The following ANAPC10 variants were observed in gnomAD, a reference collection of about 807,000 sequenced individuals.
ANAPC10 encodes the protein anaphase promoting complex subunit 10, also known as anaphase-promoting complex subunit 10.
ANAPC10 carries 12 observed loss-of-function variants against 22.0 expected under a neutral mutation model. The observed-to-expected ratio is 0.55, with a 90% confidence interval of 0.35 to 0.88. The LOEUF is 0.88. Ranked by LOEUF, ANAPC10 falls within the 40% of genes least tolerant of loss-of-function variation. The pLI is 0.01. For synonymous variants in ANAPC10, 65 were observed against 69.5 expected, an observed-to-expected ratio of 0.94 and a Z score of 0.32; for missense variants, 188 against 220.9, an observed-to-expected ratio of 0.85 and a Z score of 0.94.
At chr4:145,014,002 G>A (rs528690384) in intron 4 of ANAPC10, among the ~76,000 whole-genome samples, 9 of 152,182 alleles carry the variant, frequency 5.9e-5, no homozygotes, top group East Asian at 1.9e-4. Context: ...GGCGGCCAGC[G>A]GTGCGGAGAA....
intron 4 of ANAPC10, among the ~76,000 whole-genome samples, chr4:145,018,044 C>A (rs1216356439): frequency 6.6e-6 from 1 of 151,218 alleles, no homozygotes; most frequent in Non-Finnish European, 1.5e-5. Context: ...GTGCAGCACA[C>A]CAACATGGCA....
chr4:145,030,983 C>T (rs1266697705), intron 4 of ANAPC10, among the ~76,000 whole-genome samples: 1 of 152,152 alleles, frequency 6.6e-6, no homozygotes. Flanking sequence ...AGCTGCTGTA[C>T]CAGATGTGGT....
chr4:145,094,921 C>A lies in ANAPC10; in HGVS notation c.115+1064G>T, dbSNP rs184162764. Among the ~76,000 whole-genome samples the A allele has an allele frequency of 2.7e-3, 404 of 151,952 alleles. 2 individuals are homozygous for A. The highest frequency in any genetic ancestry group is 5.0e-3 in the Non-Finnish European group (343 of 67,968). On this transcript the variant is annotated intron_variant, in intron 2 of 4. Transcript: ENST00000507656. Reference sequence around the variant, plus strand: ...CTGCCACCCAAGAATTCTATCCCAACAAAGAGTAAAAGGAAAGTATTTTGG... The same window carrying A: ...CTGCCACCCAAGAATTCTATCCCAAAAAAGAGTAAAAGGAAAGTATTTTGG...
chr4:145,083,156 A>C (rs919457780), intron 2 of ANAPC10, among the ~76,000 whole-genome samples: 1 of 152,086 alleles, frequency 6.6e-6, no homozygotes, highest in Non-Finnish European at 1.5e-5. Context: ...ATTAACAACA[A>C]TAATAACAAT....
At chr4:145,002,948 G>A (rs1374598168) in intron 4 of ANAPC10, among the ~76,000 whole-genome samples, 1 of 152,086 alleles carries the variant, frequency 6.6e-6, no homozygotes, top group Non-Finnish European at 1.5e-5. Flanking sequence ...TTGGTATAAA[G>A]ATTATTTAGT....
In ANAPC10 at chr4:145,096,082, CTT is replaced by C. The variant is rs1192210329; in HGVS notation, c.16_17del (p.Lys6AspfsTer6). On this transcript the variant is annotated frameshift_variant, in exon 2 of 5. Coordinates refer to ENST00000507656, the MANE Select transcript of ANAPC10 (RefSeq NM_001256706.2). LOFTEE classifies it high-confidence loss of function. The stretch of plus-strand genomic sequence containing the variant: ...GCTTGGGGTCAGCACCAGGAGGTGT[CTT>C]GTTTGGTGTAGTCATTTTTAAAATA... MTTPN[K>X]TPPGADPKQL... The C allele has an allele frequency of 1.2e-6, 2 of 1,614,086 alleles. No homozygotes were observed. The highest frequency in any genetic ancestry group is 1.1e-5 in the South Asian group (1 of 91,066).
In ANAPC10 at chr4:145,022,457, T is replaced by C. The variant is rs1432085757; in HGVS notation, c.328-26854A>G. 2.6e-5 allele frequency among the ~76,000 whole-genome samples: 4 copies of C among 151,850 alleles called. No homozygotes were observed. The South Asian group carries it at 6.2e-4, about 24-fold the overall frequency. On this transcript the variant is annotated intron_variant, in intron 4 of 4. Coordinates refer to ENST00000507656, the MANE Select transcript of ANAPC10 (RefSeq NM_001256706.2). ...TATATTCTCACTGATATGTGGGAGCTAAGCTATGAGGATGCAAAGGCATAA... is the reference window on the plus strand; with the variant it reads ...TATATTCTCACTGATATGTGGGAGCCAAGCTATGAGGATGCAAAGGCATAA...
At chr4:145,034,490 G>T (rs544635182) in intron 4 of ANAPC10, among the ~76,000 whole-genome samples, 2 of 142,070 alleles carry the variant, frequency 1.4e-5, no homozygotes, top group South Asian at 4.4e-4. Context: ...GGGACCTTGT[G>T]ATTCTGTAAG....
At chr4:145,068,663 G>A (rs1484091606) in intron 3 of ANAPC10, among the ~76,000 whole-genome samples, 1 of 152,194 alleles carries the variant, frequency 6.6e-6, no homozygotes, top group Non-Finnish European at 1.5e-5. Flanking sequence ...TGTAATCCCA[G>A]CACTTTGGGA....
At chr4:145,064,314 T>A (rs1202069079) in intron 4 of ANAPC10, 1 of 248,842 alleles carries the variant, frequency 4.0e-6, no homozygotes, top group Non-Finnish European at 7.6e-6. Flanking sequence ...ATCTAGGAAG[T>A]GAGTATACTG....
At chr4:145,002,381 A>C (rs559827837) in intron 4 of ANAPC10, among the ~76,000 whole-genome samples, 10 of 152,116 alleles carry the variant, frequency 6.6e-5, no homozygotes, top group Non-Finnish European at 1.2e-4. Flanking sequence ...CTAGTGAAGA[A>C]GGCGACCACC....
chr4:145,064,813 A>C (rs973149618), intron 3 of ANAPC10, 121 bp from the exon 4 acceptor site: 3 of 830,718 alleles, frequency 3.6e-6, no homozygotes, highest in Non-Finnish European at 5.3e-6. Context: ...CAACATTTTC[A>C]TATCTTTTAA....
At chr4:145,049,265 G>A (rs1740755966) in intron 4 of ANAPC10, among the ~76,000 whole-genome samples, 1 of 152,188 alleles carries the variant, frequency 6.6e-6, no homozygotes, top group Non-Finnish European at 1.5e-5. Context: ...TGAGGTGGCT[G>A]AAGCAATTTC....
intron 2 of ANAPC10, among the ~76,000 whole-genome samples, chr4:145,085,532 T>C (rs770656429): frequency 2.6e-5 from 4 of 151,908 alleles, no homozygotes; most frequent in Non-Finnish European, 2.9e-5. Flanking sequence ...AAGAACAAAA[T>C]AGTATTTGTT....
chr4:145,029,885 CA>C (rs927368895), intron 4 of ANAPC10, among the ~76,000 whole-genome samples: 5 of 152,116 alleles, frequency 3.3e-5, no homozygotes, highest in Non-Finnish European at 7.4e-5. Context: ...GCAGCACCCC[CA>C]TTTTTGAAGA....
At chr4:145,078,965 T>G (rs138840301) in intron 3 of ANAPC10, among the ~76,000 whole-genome samples, 220 of 152,116 alleles carry the variant, frequency 1.4e-3, no homozygotes, top group African/African-American at 5.0e-3. Context: ...ACCTAGAACA[T>G]AGGACCTAAT....
chr4:145,052,887 C>CAAA (rs11455853), intron 4 of ANAPC10, among the ~76,000 whole-genome samples: 3 of 96,048 alleles, frequency 3.1e-5, no homozygotes, highest in Admixed American at 1.1e-4. Flanking sequence ...GACTCTGTCT[C>CAAA]AAAAAAAAAA....
chr4:145,005,522 C>T (rs571337183), intron 4 of ANAPC10, among the ~76,000 whole-genome samples: 17 of 152,040 alleles, frequency 1.1e-4, no homozygotes, highest in East Asian at 7.7e-4. Context: ...GGTTTGCTCT[C>T]GGTTCCCTAG....
At chr4:145,077,115 C>A (rs1252477093) in intron 3 of ANAPC10, among the ~76,000 whole-genome samples, 1 of 152,070 alleles carries the variant, frequency 6.6e-6, no homozygotes, top group African/African-American at 2.4e-5. Context: ...AGGAGAATGG[C>A]GTGAAACCGG....
Sources: gnomAD v4.1 joint callset for allele counts (sites outside exome capture counted in the v4.1 genomes callset) on GRCh38, gnomAD v4.1.1 for gene constraint, MANE v1.5 for transcripts, NCBI Gene and HGNC (gene_info 2026-07-23, HGNC 2026-07-21) for gene names.